Variants in GALNTL6 observed in about 807,000 individuals in gnomAD.
GALNTL6 encodes the protein polypeptide N-acetylgalactosaminyltransferase like 6, also known as polypeptide N-acetylgalactosaminyltransferase-like 6.
A neutral mutation model predicts 73.7 loss-of-function variants in GALNTL6; 46 were observed. The observed-to-expected ratio is 0.62, with a 90% CI of 0.49 to 0.80. GALNTL6 has a LOEUF of 0.80. GALNTL6 is among the 30% of genes least tolerant of loss of function. The pLI, the probability that GALNTL6 is intolerant of heterozygous loss-of-function variation, is 0.00. For synonymous variants in GALNTL6, 259 were observed against 263.7 expected (o/e 0.98, Z 0.17); for missense variants, 604 against 755.0 (o/e 0.80, Z 2.34).
chr4:172,501,689 T>C (rs1463190234), intron 5 of GALNTL6, among the ~76,000 whole-genome samples: 1 of 152,156 alleles, frequency 6.6e-6, no homozygotes, highest in East Asian at 1.9e-4. Flanking sequence ...GGATGCCATC[T>C]CAGCATATAG....
chr4:171,868,970 C>T (rs577747640), intron 2 of GALNTL6, among the ~76,000 whole-genome samples: 19 of 152,286 alleles, frequency 1.2e-4, no homozygotes, highest in African/African-American at 3.6e-4. Context: ...CATGAGCCAC[C>T]GTGTCTTGCC....
chr4:172,911,735 G>A (rs893851869), intron 8 of GALNTL6, among the ~76,000 whole-genome samples: 1 of 152,214 alleles, frequency 6.6e-6, no homozygotes, highest in Non-Finnish European at 1.5e-5. Flanking sequence ...TACCTCAGGT[G>A]TATCAGAGCA....
intron 7 of GALNTL6, among the ~76,000 whole-genome samples, chr4:172,831,230 G>T (rs540123120): frequency 7.0e-6 from 1 of 142,112 alleles, no homozygotes; most frequent in Non-Finnish European, 1.5e-5. Context: ...TATTTACCAC[G>T]CAAATATATG....
At chr4:172,720,676 T>G (rs1222144303) in intron 5 of GALNTL6, among the ~76,000 whole-genome samples, 1 of 152,246 alleles carries the variant, frequency 6.6e-6, no homozygotes, top group Non-Finnish European at 1.5e-5. Context: ...TATTAATTTT[T>G]TAATCAAACT....
intron 2 of GALNTL6, among the ~76,000 whole-genome samples, chr4:172,100,856 C>T (rs983204398): frequency 6.6e-5 from 10 of 152,072 alleles, no homozygotes; most frequent in African/African-American, 2.4e-4. Context: ...TTTCTGGGAA[C>T]TTACGAGTCC....
At chr4:173,032,836 T>A (rs1753527630) in intron 12 of GALNTL6, among the ~76,000 whole-genome samples, 3 of 151,974 alleles carry the variant, frequency 2.0e-5, no homozygotes, top group South Asian at 4.2e-4. Context: ...TTTTTCATGA[T>A]CCCGGCTGCT....
At chr4:172,624,039 G>C (rs1226663462) in intron 5 of GALNTL6, among the ~76,000 whole-genome samples, 1 of 152,044 alleles carries the variant, frequency 6.6e-6, no homozygotes, top group Non-Finnish European at 1.5e-5. Context: ...ATTAACAGAA[G>C]CCTGTACTTG....
chr4:172,476,619 A>T (rs1052555811), intron 5 of GALNTL6, among the ~76,000 whole-genome samples: 1 of 152,186 alleles, frequency 6.6e-6, no homozygotes, highest in East Asian at 1.9e-4. Context: ...CAGGTAGCAC[A>T]CTGTGTGTCC....
rs548913961 is a variant in GALNTL6 at position 171,988,645 on chromosome 4, C to G, written c.138+173927C>G. On this transcript the variant is annotated intron_variant, in intron 2 of 12. Coordinates refer to ENST00000506823, the MANE Select transcript of GALNTL6 (RefSeq NM_001034845.3). ...CACAGATTCTGAACTAACCTGTAAGCCTTGCCTGGTTTTAGGACAGGTAAA... is the reference window on the plus strand; with the variant it reads ...CACAGATTCTGAACTAACCTGTAAGGCTTGCCTGGTTTTAGGACAGGTAAA... 6.5e-4 allele frequency among the ~76,000 whole-genome samples: 99 copies of G among 152,244 alleles called. 1 individual carries two copies. The South Asian group carries it at 0.013, about 21-fold the overall frequency.
intron 5 of GALNTL6, among the ~76,000 whole-genome samples, chr4:172,606,809 C>T (rs187378284): frequency 9.3e-5 from 14 of 150,370 alleles, no homozygotes; most frequent in Admixed American, 6.0e-4. Flanking sequence ...AGAGGAGTAT[C>T]GAGCTTCAGA....
rs529567827 is a variant in GALNTL6 at position 172,630,444 on chromosome 4, C to T, written c.554-178917C>T. Among the ~76,000 whole-genome samples the T allele has an allele frequency of 6.2e-4, 95 of 152,136 alleles. 1 individual carries two copies. In the South Asian group the frequency reaches 0.016, roughly 25 times the overall value. Reference sequence around the variant, plus strand: ...AGAAATCGTAATTATCTCCATCAGTCGCTCCAGGGCAGTATCGGCAAGCTG... The same window carrying T: ...AGAAATCGTAATTATCTCCATCAGTTGCTCCAGGGCAGTATCGGCAAGCTG... On this transcript the variant is annotated intron_variant, in intron 5 of 12. Transcript: ENST00000506823.
chr4:173,021,686 G>GT (rs772235798), intron 12 of GALNTL6, 61 bp downstream of exon 12: 189 of 1,569,894 alleles, frequency 1.2e-4, no homozygotes, highest in Non-Finnish European at 1.6e-4. Context: ...TTCTTACTCA[G>GT]TTTTCTTTGA....
intron 2 of GALNTL6, among the ~76,000 whole-genome samples, chr4:171,828,250 A>G (rs1560804016): frequency 6.6e-6 from 1 of 152,182 alleles, no homozygotes; most frequent in Non-Finnish European, 1.5e-5. Flanking sequence ...TCTGCTTAAA[A>G]CACTGTGCGA....
chr4:172,369,129 GATTGGTCCATTTT>G (rs1742687762), intron 5 of GALNTL6, among the ~76,000 whole-genome samples: 1 of 152,116 alleles, frequency 6.6e-6, no homozygotes, highest in African/African-American at 2.4e-5. Flanking sequence ...ACAGAGAGCT[GATTGGTCCATTTT>G]ACAGAGAGCT....
intron 2 of GALNTL6, among the ~76,000 whole-genome samples, chr4:171,895,581 T>C (rs567911509): frequency 2.0e-5 from 3 of 152,154 alleles, no homozygotes; most frequent in African/African-American, 7.2e-5. Context: ...AACTGAAAAT[T>C]ACTCATGGAA....
chr4:172,730,134 G>A (rs1736060158), intron 5 of GALNTL6, among the ~76,000 whole-genome samples: 1 of 152,146 alleles, frequency 6.6e-6, no homozygotes, highest in Admixed American at 6.5e-5. Flanking sequence ...TTTTGATGGA[G>A]TCTTTCGATT....
At chr4:172,260,511 CTT>C (rs1041160687) in intron 3 of GALNTL6, among the ~76,000 whole-genome samples, 3 of 151,354 alleles carry the variant, frequency 2.0e-5, no homozygotes, top group African/African-American at 7.3e-5. Context: ...TTGAATGACT[CTT>C]TATGGACTTC....
intron 7 of GALNTL6, among the ~76,000 whole-genome samples, chr4:172,820,840 G>A (rs1741883264): frequency 6.6e-6 from 1 of 152,144 alleles, no homozygotes. Context: ...CTTGACCTCA[G>A]CCTCCAACCA....
chr4:172,700,153 T>C (rs1733944851), intron 5 of GALNTL6, among the ~76,000 whole-genome samples: 1 of 152,184 alleles, frequency 6.6e-6, no homozygotes, highest in Admixed American at 6.6e-5. Flanking sequence ...CATAACCTTG[T>C]AATCATATTG....
Sources: gnomAD v4.1 joint callset for allele counts (sites outside exome capture counted in the v4.1 genomes callset) on GRCh38, gnomAD v4.1.1 for gene constraint, MANE v1.5 for transcripts, NCBI Gene and HGNC (gene_info 2026-07-23, HGNC 2026-07-21) for gene names.